Variants in NDRG4 observed in about 807,000 individuals in gnomAD.
NDRG4 encodes the protein protein NDRG4.
Under a neutral mutation model 55.8 loss-of-function variants are expected in NDRG4, and 38 were observed. That is an observed-to-expected ratio of 0.68 (90% confidence interval 0.53 to 0.89). NDRG4 has a LOEUF of 0.89. Among genes scored for constraint, NDRG4 ranks in the 40% least tolerant of loss-of-function variants. The probability of loss-of-function intolerance (pLI) is 0.00; values close to 1 mark genes in which losing one functional copy is unlikely to be tolerated. For missense variants in NDRG4, 455 were observed against 468.6 expected, an observed-to-expected ratio of 0.97 and a Z score of 0.27; for synonymous variants, 190 against 182.7, an observed-to-expected ratio of 1.04 and a Z score of -0.32.
chr16:58,511,639 T>C lies in NDRG4; in HGVS notation c.*63T>C, dbSNP rs764027717. On this transcript the variant is annotated 3_prime_UTR_variant, in exon 15 of 15. Transcript: ENST00000570248. ...CCACCGCCATCCTTGCGCCGGCTCA[T>C]GTTCCCTTTAGTTTATTTTTGTGAG... is the stretch of plus-strand genomic sequence containing the variant. The C allele has an allele frequency of 1.2e-6, 2 of 1,602,724 alleles. No individual in the cohort carries two copies.
Position 58,464,567 on chromosome 16 carries a change from AGG to A in NDRG4, c.-24+773_-24+774del. ...TGGGGCGGCTCGGGTCTGAGCAGGA[AGG>A]GGTGCGGACCCCAACTAAGTCCTAG... On this transcript the variant is annotated intron_variant, in intron 1 of 15. Coordinates refer to the NDRG4 transcript ENST00000258187. This position sits in a 1 kb window ranked among gnomAD's most constrained non-coding sequence, Gnocchi z 4.8. 2.7e-6 allele frequency: 3 copies of A among 1,122,852 alleles called. No homozygotes were observed. The South Asian group carries it at 8.5e-5, about 32-fold the overall frequency. The allele number at this position is 1,122,852 out of a possible 1,614,324, so 69.6% of individuals were successfully genotyped here.
At chr16:58,473,948 A>C (rs921244980) in intron 1 of NDRG4, among the ~76,000 whole-genome samples, 5 of 147,480 alleles carry the variant, frequency 3.4e-5, no homozygotes, top group African/African-American at 1.3e-4. Context: ...TCCAACGCTT[A>C]CCACCCCTGT....
intron 1 of NDRG4, among the ~76,000 whole-genome samples, chr16:58,474,356 C>T (rs1303976349): frequency 1.3e-5 from 2 of 152,098 alleles, no homozygotes; most frequent in Non-Finnish European, 1.5e-5. Flanking sequence ...CTTGCCTGAC[C>T]GGCTTCCTTT....
Position 58,504,289 on chromosome 16 carries a change from C to T in NDRG4, c.248+15C>T, listed in dbSNP as rs376302210. On this transcript the variant is annotated intron_variant, in intron 3 of 14. Coordinates refer to ENST00000570248, the MANE Select transcript of NDRG4 (RefSeq NM_001242835.2). ...TTTCCTCAGGGGTAGGTACCCTGAGCCCCCTCTGCCTGTCTCCAGCTCTGC... is the reference window on the plus strand; with the variant it reads ...TTTCCTCAGGGGTAGGTACCCTGAGTCCCCTCTGCCTGTCTCCAGCTCTGC... 3 of 1,613,910 alleles carry T rather than the reference C, an allele frequency of 1.9e-6. No homozygotes were observed. Among genetic ancestry groups the T allele is most frequent in the African/African-American group, 1.3e-5 (1 of 74,934 alleles).
chr16:58,476,131 A>C (rs1272038019), intron 1 of NDRG4, among the ~76,000 whole-genome samples: 1 of 152,232 alleles, frequency 6.6e-6, no homozygotes, highest in East Asian at 1.9e-4. Flanking sequence ...CCTGAAAGTA[A>C]CATGCTTCCA....
rs537332754 is a variant in NDRG4 at position 58,478,294 on chromosome 16, C to T, written c.-23-9462C>T. On this transcript the variant is annotated intron_variant, in intron 1 of 15. Transcript: ENST00000258187. ...ATCCCAGCTACTTGGGAGGCTGAGG[C>T]AGGAGAATCACTTGAACGTGGGAGG... 2.0e-5 allele frequency among the ~76,000 whole-genome samples: 3 copies of T among 151,878 alleles called. No homozygotes were observed. The East Asian group carries it at 5.8e-4, about 29-fold the overall frequency.
At chr16:58,505,420 A>C (rs77307579) in intron 5 of NDRG4, among the ~76,000 whole-genome samples, 2 of 102,294 alleles carry the variant, frequency 2.0e-5, no homozygotes, top group East Asian at 2.2e-4. Context: ...AAAAACAAGC[A>C]AAAAAAAAAA....
At chr16:58,489,975 G>A (rs1302788142) in intron 2 of NDRG4, among the ~76,000 whole-genome samples, 1 of 152,118 alleles carries the variant, frequency 6.6e-6, no homozygotes, top group Non-Finnish European at 1.5e-5. Flanking sequence ...CTCCCGAGTA[G>A]CGAGGATCTT....
chr16:58,511,521 C>T lies in NDRG4; in HGVS notation c.1004C>T (p.Ser335Leu), dbSNP rs912276301. Residue 335 changes from serine to leucine, a missense_variant, in exon 15 of 15, where the codon TCA (serine) becomes TTA (leucine). Ser to Leu is a moderately radical substitution (Grantham distance 145, BLOSUM62 -2). Coordinates refer to ENST00000570248, the MANE Select transcript of NDRG4 (RefSeq NM_001242835.2). Reference sequence around the variant, plus strand: ...AGCCGCCCACAGGCCTGCACCCACTCAGAGAGCAGCGAGGGGCTGGGCCAG... The same window carrying T: ...AGCCGCCCACAGGCCTGCACCCACTTAGAGAGCAGCGAGGGGCTGGGCCAG... ...DGSRPQACTH[S>L]ESSEGLGQVN... 1.2e-5 allele frequency: 19 copies of T among 1,612,916 alleles called. No homozygotes were observed. The African/African-American group carries it at 2.0e-4, about 17-fold the overall frequency.
intron 5 of NDRG4, among the ~76,000 whole-genome samples, chr16:58,505,449 C>CT (rs2037809741): frequency 6.8e-6 from 1 of 146,540 alleles, no homozygotes; most frequent in Non-Finnish European, 1.5e-5. Flanking sequence ...ACCCAAAAGA[C>CT]TAATTTTTCA....
Position 58,464,340 on chromosome 16 carries a change from C to G in NDRG4, c.-24+543C>G. 2 of 1,187,880 alleles carry G rather than the reference C, an allele frequency of 1.7e-6. No individual in the cohort carries two copies. Among genetic ancestry groups the G allele is most frequent in the Non-Finnish European group, 2.2e-6 (2 of 915,730 alleles). The allele number at this position is 1,187,880 out of a possible 1,614,324, so 73.6% of individuals were successfully genotyped here. On this transcript the variant is annotated intron_variant, in intron 1 of 15. Transcript: ENST00000258187. The surrounding 1 kb of genome is among the most constrained non-coding windows in gnomAD (Gnocchi z 4.8). Reference sequence around the variant, plus strand: ...TTCGCTCCGCGCTCTCCTGCCGCTCCGCTCCGGGTCTCCCGCGCTCCTCTC... The same window carrying G: ...TTCGCTCCGCGCTCTCCTGCCGCTCGGCTCCGGGTCTCCCGCGCTCCTCTC...
chr16:58,474,285 C>T (rs2033313243), intron 1 of NDRG4, among the ~76,000 whole-genome samples: 1 of 152,306 alleles, frequency 6.6e-6, no homozygotes, highest in Admixed American at 6.5e-5. Context: ...TCAAGCCGTG[C>T]ACCTGCCTTA....
intron 1 of NDRG4, chr16:58,501,035 C>T (rs2037015934): frequency 8.0e-7 from 1 of 1,243,464 alleles, no homozygotes; most frequent in Non-Finnish European, 1.0e-6. Flanking sequence ...GGCTAGGGGA[C>T]CCCAGGTGGA....
intron 1 of NDRG4, among the ~76,000 whole-genome samples, chr16:58,476,767 A>G (rs924285447): frequency 6.6e-6 from 1 of 152,234 alleles, no homozygotes; most frequent in African/African-American, 2.4e-5. Flanking sequence ...TGGACTCGAA[A>G]TGTGAAAAGG....
At chr16:58,478,129 G>C (rs1246153459) in intron 1 of NDRG4, among the ~76,000 whole-genome samples, 1 of 152,176 alleles carries the variant, frequency 6.6e-6, no homozygotes. Context: ...GGTGGCTCAC[G>C]CCTGTAATCC....
chr16:58,476,521 C>CTT lies in NDRG4; in HGVS notation c.-23-11228_-23-11227dup, dbSNP rs35821166. ...GTGTTATGTCCTTTCTAAGATGCACCTTTTTTTTCATACTTTAACATCTCT... is the reference window on the plus strand; with the variant it reads ...GTGTTATGTCCTTTCTAAGATGCACCTTTTTTTTTTCATACTTTAACATCTCT... On this transcript the variant is annotated intron_variant, in intron 1 of 15. Transcript: ENST00000258187. Among the ~76,000 whole-genome samples, 24 of 151,930 alleles carry CTT rather than the reference C, an allele frequency of 1.6e-4. No individual in the cohort carries two copies. The East Asian group carries it at 1.7e-3, about 11-fold the overall frequency.
intron 1 of NDRG4, among the ~76,000 whole-genome samples, chr16:58,470,462 A>G (rs1406491694): frequency 6.6e-6 from 1 of 152,228 alleles, no homozygotes; most frequent in Non-Finnish European, 1.5e-5. Context: ...GGGCTGAATA[A>G]TAGCCCCCAA....
chr16:58,507,494 AAAAC>A (rs1275167725), intron 8 of NDRG4: 7 of 75,072 alleles, frequency 9.3e-5, no homozygotes, highest in Non-Finnish European at 1.2e-4. Flanking sequence ...TGGTGCTAAG[AAAAC>A]AAAACAATAG....
At chr16:58,467,294 G>A (rs907643628) in intron 1 of NDRG4, among the ~76,000 whole-genome samples, 4 of 152,198 alleles carry the variant, frequency 2.6e-5, no homozygotes, top group African/African-American at 9.7e-5. Flanking sequence ...GATCACTGAG[G>A]TCAGGAGTTC....
Sources: gnomAD v4.1 joint callset for allele counts (sites outside exome capture counted in the v4.1 genomes callset) on GRCh38, gnomAD v4.1.1 for gene constraint, Gnocchi (gnomAD v3.1) non-coding constraint, MANE v1.5 for transcripts, NCBI Gene and HGNC (gene_info 2026-07-23, HGNC 2026-07-21) for gene names.